Variants in KIFAP3 observed in about 807,000 individuals in gnomAD.
KIFAP3 encodes the protein kinesin-associated protein 3.
In KIFAP3, 68 loss-of-function variants were observed where a neutral mutation model predicts 106.5. That is an observed-to-expected ratio of 0.64 (90% CI 0.53 to 0.78). The LOEUF is 0.78. Among genes scored for constraint, KIFAP3 ranks in the 30% least tolerant of loss-of-function variants. The pLI, the probability that KIFAP3 is intolerant of heterozygous loss-of-function variation, is 0.00. For missense variants in KIFAP3, 780 were observed against 941.8 expected, an observed-to-expected ratio of 0.83 and a Z score of 2.25; for synonymous variants, 320 against 311.5, an observed-to-expected ratio of 1.03 and a Z score of -0.29.
chr1:169,996,495 A>C (rs975611135), intron 10 of KIFAP3, among the ~76,000 whole-genome samples: 1 of 152,144 alleles, frequency 6.6e-6, no homozygotes, highest in Non-Finnish European at 1.5e-5. Flanking sequence ...TCTCATTTAG[A>C]CCTTACAGTA....
intron 10 of KIFAP3, among the ~76,000 whole-genome samples, chr1:170,011,659 T>C (rs951765856): frequency 6.6e-5 from 10 of 151,946 alleles, no homozygotes; most frequent in African/African-American, 2.2e-4. Flanking sequence ...TTACTACGGA[T>C]TGAGGTAAAA....
intron 1 of KIFAP3, among the ~76,000 whole-genome samples, chr1:170,065,464 A>T (rs947415344): frequency 3.9e-5 from 6 of 151,968 alleles, no homozygotes; most frequent in Non-Finnish European, 7.4e-5. Flanking sequence ...AATACAAAAA[A>T]TTAGCTGGGC....
chr1:170,007,374 A>G (rs1486305154), intron 10 of KIFAP3, among the ~76,000 whole-genome samples: 8 of 152,038 alleles, frequency 5.3e-5, no homozygotes, highest in Non-Finnish European at 1.0e-4. Flanking sequence ...GAGAGAGGGC[A>G]TATTAATATA....
chr1:169,924,649 G>A (rs1663028100), intron 19 of KIFAP3, among the ~76,000 whole-genome samples: 5 of 152,138 alleles, frequency 3.3e-5, no homozygotes, highest in Admixed American at 3.3e-4. Context: ...TTCTAATATA[G>A]TGGGGGAAAT....
At chr1:169,997,092 C>T (rs1667403919) in intron 10 of KIFAP3, among the ~76,000 whole-genome samples, 1 of 152,206 alleles carries the variant, frequency 6.6e-6, no homozygotes, top group Non-Finnish European at 1.5e-5. Context: ...AATACTCTAA[C>T]ATTGGCTGAC....
At chr1:169,924,347 T>TA (rs1663004778) in intron 19 of KIFAP3, among the ~76,000 whole-genome samples, 1 of 152,210 alleles carries the variant, frequency 6.6e-6, no homozygotes, top group South Asian at 2.1e-4. Flanking sequence ...GTGTAGAGGA[T>TA]ATCATTTAAT....
chr1:170,046,926 C>T (rs1670288378), intron 2 of KIFAP3, 60 bp from the exon 3 acceptor site: 1 of 951,716 alleles, frequency 1.1e-6, no homozygotes, highest in African/African-American at 1.7e-5. Flanking sequence ...TTCAATACTA[C>T]TACTTTAAAA....
intron 10 of KIFAP3, among the ~76,000 whole-genome samples, chr1:170,004,511 A>C (rs1036977053): frequency 1.3e-5 from 2 of 152,000 alleles, no homozygotes; most frequent in Non-Finnish European, 2.9e-5. Flanking sequence ...AAACAGAGAT[A>C]TAGACCAATG....
chr1:170,034,478 T>G lies in KIFAP3; in HGVS notation c.636A>C (p.Gly212=). 6.8e-7 allele frequency: 1 copy of G among 1,468,676 alleles called. No homozygotes were observed. Among genetic ancestry groups the G allele is most frequent in the Non-Finnish European group, 9.3e-7 (1 of 1,070,666 alleles). The allele number at this position is 1,468,676 out of a possible 1,614,324, so 91.0% of individuals were successfully genotyped here. A position where few individuals can be genotyped will look rare whatever the true frequency, so the allele number is the denominator to read the frequency against. The change falls in exon 7 of 20, where the codon GGA becomes GGC. Residue 212 remains glycine, a synonymous_variant. Coordinates refer to ENST00000361580, the MANE Select transcript of KIFAP3 (RefSeq NM_014970.4). ...CTCCAATTTTATAGTGAGTAATAAG[T>G]CCATGAAATTGAGAAAAGCTTTAAA... ...FCFSSFSQFH[G]LITHYKIGAL...
intron 19 of KIFAP3, among the ~76,000 whole-genome samples, chr1:169,936,707 A>G (rs895984852): frequency 1.3e-5 from 2 of 151,656 alleles, no homozygotes; most frequent in African/African-American, 4.8e-5. Flanking sequence ...TACTAGAAGT[A>G]AGTCAATGAA....
intron 10 of KIFAP3, among the ~76,000 whole-genome samples, chr1:169,994,569 C>A (rs1196479885): frequency 6.6e-6 from 1 of 152,018 alleles, no homozygotes; most frequent in African/African-American, 2.4e-5. Flanking sequence ...AAGATAAAAA[C>A]AATATATGTT....
Position 169,973,347 on chromosome 1 carries a change from T to G in KIFAP3, c.1898-749A>C, listed in dbSNP as rs1030555615. ...GATTAGAAAATGACAGATATTAGAC[T>G]AAGAAGATCCAACACAATAGAAATC... On this transcript the variant is annotated intron_variant, in intron 16 of 19. Transcript: ENST00000361580. 2.7e-5 allele frequency among the ~76,000 whole-genome samples: 4 copies of G among 149,346 alleles called. No homozygotes were observed. In the East Asian group the frequency reaches 7.8e-4, roughly 29 times the overall value.
At chr1:169,998,395 TATATACACACACAC>T (rs1205776569) in intron 10 of KIFAP3, among the ~76,000 whole-genome samples, 56 of 81,344 alleles carry the variant, frequency 6.9e-4, no homozygotes, top group African/African-American at 2.3e-3. Flanking sequence ...TATATATATA[TATATACACACACAC>T]ACACACACAC....
chr1:170,057,045 C>T (rs1208754711), intron 1 of KIFAP3, among the ~76,000 whole-genome samples: 1 of 152,080 alleles, frequency 6.6e-6, no homozygotes, highest in Non-Finnish European at 1.5e-5. Context: ...TATAATGTAG[C>T]ATCACTATAA....
At chr1:170,003,340 G>C (rs1667762829) in intron 10 of KIFAP3, among the ~76,000 whole-genome samples, 1 of 152,138 alleles carries the variant, frequency 6.6e-6, no homozygotes, top group African/African-American at 2.4e-5. Context: ...TGATACATGA[G>C]AAAGCTATAA....
At chr1:170,078,473 ATGAAAGAAGGGAC>A (rs1482351368), upstream of KIFAP3, among the ~76,000 whole-genome samples, 3 of 152,196 alleles carry the variant, frequency 2.0e-5, no homozygotes, top group Non-Finnish European at 4.4e-5. Context: ...AATATCTGAA[ATGAAAGAAGGGAC>A]ATCATTCAGA....
intron 5 of KIFAP3, among the ~76,000 whole-genome samples, chr1:170,037,708 T>C (rs1001206378): frequency 5.0e-4 from 76 of 152,164 alleles, no homozygotes; most frequent in Middle Eastern, 3.4e-3. Flanking sequence ...GAGCCAAAGG[T>C]TGCAGTGAGC....
chr1:170,052,993 G>A (rs1162760383), intron 2 of KIFAP3, among the ~76,000 whole-genome samples: 1 of 152,172 alleles, frequency 6.6e-6, no homozygotes, highest in Non-Finnish European at 1.5e-5. Context: ...TTCTGGCCAA[G>A]GCAATCAGGC....
intron 10 of KIFAP3, among the ~76,000 whole-genome samples, chr1:170,002,205 T>C (rs751560500): frequency 3.3e-5 from 5 of 152,168 alleles, no homozygotes; most frequent in Non-Finnish European, 5.9e-5. Flanking sequence ...CTGATGAAAC[T>C]GTTCTACAGC....
Sources: allele counts gnomAD v4.1 joint callset (sites outside exome capture counted in the v4.1 genomes callset), GRCh38; gene constraint gnomAD v4.1.1; transcripts MANE v1.5; gene names NCBI Gene and HGNC (gene_info 2026-07-23, HGNC 2026-07-21).